Variants in GRSF1 observed in about 807,000 individuals in gnomAD.
GRSF1 encodes G-rich RNA sequence binding factor 1, also known as G-rich sequence factor 1.
GRSF1 carries 50 observed loss-of-function variants against 51.1 expected under a neutral mutation model. The observed-to-expected ratio is 0.98, with a 90% CI of 0.78 to 1.24. The LOEUF is 1.24. Ranked by LOEUF, GRSF1 falls within the 50% of genes most tolerant of loss-of-function variation. The probability of loss-of-function intolerance (pLI) is 0.00; values close to 1 mark genes in which losing one functional copy is unlikely to be tolerated. For missense variants in GRSF1, 700 were observed against 639.7 expected (o/e 1.09, Z -1.02); for synonymous variants, 293 against 253.3 (o/e 1.16, Z -1.49).
At chr4:70,825,075 G>A (rs960643411) in intron 8 of GRSF1, among the ~76,000 whole-genome samples, 3 of 151,798 alleles carry the variant, frequency 2.0e-5, no homozygotes, top group East Asian at 1.9e-4. Flanking sequence ...GCACTCCAGC[G>A]TGGGTGACAA....
intron 5 of GRSF1, among the ~76,000 whole-genome samples, chr4:70,829,350 G>T (rs199531355): frequency 1.8e-4 from 27 of 147,562 alleles, no homozygotes; most frequent in Non-Finnish European, 2.7e-4. Context: ...GTTTTTTTTT[G>T]TTTTTTTTTT....
In GRSF1 at chr4:70,824,365, T is replaced by C. The variant is rs1015191755; in HGVS notation, c.1397A>G (p.His466Arg). The change falls in exon 9 of 10, where the codon CAT (histidine) becomes CGT (arginine). Residue 466 changes from histidine to arginine, a missense_variant. Transcript: ENST00000254799. The part of the protein sequence containing the change: ...AMLKDRSHVH[H>R]RYIELFLNSC... ...ATTCAGGAACAGTTCAATATACCTA[T>C]GATCTGAGGATAATGAGAAAGATTA... The C allele has an allele frequency of 7.0e-6, 10 of 1,436,252 alleles. No individual in the cohort carries two copies. Among genetic ancestry groups the C allele is most frequent in the Middle Eastern group, 1.7e-4 (1 of 5,770 alleles). 89.0% of individuals were successfully genotyped at this position (1,436,252 alleles called of 1,614,324 possible).
chr4:70,832,472 G>C (rs1578304504), intron 3 of GRSF1, 22 bp from the exon 4 acceptor site: 2 of 1,486,338 alleles, frequency 1.3e-6, no homozygotes, highest in East Asian at 4.6e-5. Context: ...AAACCCAACA[G>C]GGATGAAAAA....
chr4:70,838,873 T>C, intron 1 of GRSF1: 1 of 306,022 alleles, frequency 3.3e-6, no homozygotes, highest in Non-Finnish European at 6.4e-6. Context: ...AAAGACCTTC[T>C]GTATGAGTGG....
chr4:70,833,394 C>G, intron 2 of GRSF1, 121 bp from the exon 3 acceptor site: 1 of 793,610 alleles, frequency 1.3e-6, no homozygotes, highest in East Asian at 2.7e-5. Context: ...ATTCCTTACA[C>G]AAATCCCCAT....
intron 2 of GRSF1, among the ~76,000 whole-genome samples, chr4:70,834,516 T>C (rs1286538783): frequency 1.3e-5 from 2 of 152,184 alleles, no homozygotes; most frequent in Non-Finnish European, 2.9e-5. Flanking sequence ...GTTTTTCAAC[T>C]TTTATTTAGT....
At position 70,839,598 on chromosome 4, in the gene GRSF1, G is replaced by C. The variant is rs749604083; in HGVS notation, c.230C>G (p.Ala77Gly). The C allele has an allele frequency of 9.3e-6, 13 of 1,405,352 alleles. No individual in the cohort carries two copies. In the South Asian group the frequency reaches 2.0e-4, roughly 21 times the overall value. 87.1% of individuals were successfully genotyped at this position (1,405,352 alleles called of 1,614,324 possible). A position where few individuals can be genotyped will look rare whatever the true frequency, so the allele number is the denominator to read the frequency against. ...AGAGGTGGCCACAGCGGGAGGCCCC[G>C]CCAGCCTCCCGGGAGGCACAGGCCC... ...QTGPVPPGRLAGPPAVATSAA... is the reference protein window; with the variant it reads ...QTGPVPPGRLGGPPAVATSAA... Residue 77 changes from alanine to glycine, a missense_variant, in exon 1 of 10, where the codon GCG (alanine) becomes GGG (glycine). Coordinates refer to ENST00000254799, the MANE Select transcript of GRSF1 (RefSeq NM_002092.4).
intron 2 of GRSF1, 41 bp downstream of exon 2, chr4:70,836,117 A>C: frequency 8.3e-7 from 1 of 1,202,022 alleles, no homozygotes; most frequent in Non-Finnish European, 1.1e-6. Flanking sequence ...GAAACAATAT[A>C]AGGAAAAAAA....
upstream of GRSF1, among the ~76,000 whole-genome samples, chr4:70,840,377 G>A (rs1250015725): frequency 2.0e-5 from 3 of 152,238 alleles, no homozygotes; most frequent in African/African-American, 7.2e-5. Flanking sequence ...TGTAATCCTA[G>A]CACTTTGGCA....
At chr4:70,835,617 A>G (rs1734174717) in intron 2 of GRSF1, among the ~76,000 whole-genome samples, 1 of 151,502 alleles carries the variant, frequency 6.6e-6, no homozygotes, top group Non-Finnish European at 1.5e-5. Flanking sequence ...TAATTTTTGT[A>G]TTTTTAGTAG....
intron 1 of GRSF1, chr4:70,838,894 G>A (rs1439080032): frequency 6.0e-6 from 2 of 332,632 alleles, no homozygotes; most frequent in Non-Finnish European, 1.2e-5. Context: ...AGTTGCAGAG[G>A]TGACCTTCAG....
chr4:70,834,766 A>T (rs1734124052), intron 2 of GRSF1, among the ~76,000 whole-genome samples: 1 of 151,970 alleles, frequency 6.6e-6, no homozygotes, highest in African/African-American at 2.4e-5. Context: ...GGACTACGGG[A>T]GCGTGCCACC....
At position 70,823,974 on chromosome 4, in the gene GRSF1, C is replaced by CTTTTTTT. The variant is rs577909875; in HGVS notation, c.*25+319_*25+320insAAAAAAA. Among the ~76,000 whole-genome samples the CTTTTTTT allele has an allele frequency of 3.5e-3, 349 of 100,936 alleles. 63 individuals are homozygous for CTTTTTTT. Among genetic ancestry groups the CTTTTTTT allele is most frequent in the East Asian group, 0.012 (33 of 2,796 alleles). The allele number at this position is 100,936 out of a possible 152,430, so 66.2% of individuals were successfully genotyped here. A position where few individuals can be genotyped will look rare whatever the true frequency, so the allele number is the denominator to read the frequency against. ...AAATAATTTCCACAGTTGTATCTCT[C>CTTTTTTT]TCTTTTTTTTTTTTTTTTTTGAGTC... On this transcript the variant is annotated intron_variant, in intron 9 of 9. Coordinates refer to ENST00000254799, the MANE Select transcript of GRSF1 (RefSeq NM_002092.4).
intron 8 of GRSF1, among the ~76,000 whole-genome samples, chr4:70,824,879 G>A (rs1733670616): frequency 6.6e-6 from 1 of 152,134 alleles, no homozygotes; most frequent in African/African-American, 2.4e-5. Flanking sequence ...GAGGCAGGTG[G>A]ACCATTTGAA....
upstream of GRSF1, among the ~76,000 whole-genome samples, chr4:70,842,923 A>G (rs926977087): frequency 6.6e-6 from 1 of 152,132 alleles, no homozygotes; most frequent in African/African-American, 2.4e-5. Flanking sequence ...GTAGTCCCAA[A>G]AGGTCACACG....
chr4:70,832,245 T>C (rs1379347413), intron 4 of GRSF1, 62 bp downstream of exon 4: 19 of 1,429,726 alleles, frequency 1.3e-5, no homozygotes, highest in Middle Eastern at 1.8e-4. Flanking sequence ...ATCTAAGATA[T>C]AGAAGGAGAT....
intron 9 of GRSF1, among the ~76,000 whole-genome samples, chr4:70,822,583 C>CAAAAA (rs749025985): frequency 9.8e-5 from 2 of 20,504 alleles, no homozygotes; most frequent in African/African-American, 2.3e-4. Flanking sequence ...GATTTCATAT[C>CAAAAA]AAAAAAAAAA....
Position 70,839,594 on chromosome 4 carries a change from C to T in GRSF1, c.234G>A (p.Gly78=). Residue 78 remains glycine, a synonymous_variant, in exon 1 of 10, where the codon GGG becomes GGA. Coordinates refer to ENST00000254799, the MANE Select transcript of GRSF1 (RefSeq NM_002092.4). The part of the protein sequence containing the change: ...TGPVPPGRLA[G]PPAVATSAAA... ...CGGCAGAGGTGGCCACAGCGGGAGG[C>T]CCCGCCAGCCTCCCGGGAGGCACAG... 7.1e-7 allele frequency: 1 copy of T among 1,412,928 alleles called. No homozygotes were observed. The highest frequency in any genetic ancestry group is 2.9e-5 in the Admixed American group (1 of 34,390). 87.5% of individuals were successfully genotyped at this position (1,412,928 alleles called of 1,614,324 possible).
chr4:70,838,219 C>CAAAA (rs35303311), intron 1 of GRSF1, among the ~76,000 whole-genome samples: 1,839 of 93,826 alleles, frequency 0.02, 75 homozygotes, highest in Non-Finnish European at 0.021. Flanking sequence ...ACTCGGTCTC[C>CAAAA]AAAAAAAAAA....
Sources: allele counts gnomAD v4.1 joint callset (sites outside exome capture counted in the v4.1 genomes callset), GRCh38; gene constraint gnomAD v4.1.1; transcripts MANE v1.5; gene names NCBI Gene and HGNC (gene_info 2026-07-23, HGNC 2026-07-21).